DGKK: variants seen among roughly 807,000 people sequenced by gnomAD.
DGKK encodes the protein 142 kDa diacylglycerol kinase.
DGKK carries 35 observed loss-of-function variants against 92.2 expected under a neutral mutation model. The ratio of observed to expected loss-of-function variants is 0.38; its 90% CI spans 0.29 to 0.50. DGKK has a LOEUF of 0.50. Among genes scored for constraint, DGKK ranks in the 20% least tolerant of loss-of-function variants. The probability of loss-of-function intolerance (pLI) is 0.92; values close to 1 mark genes in which losing one functional copy is unlikely to be tolerated. For missense variants in DGKK, 910 were observed against 992.2 expected (o/e 0.92, Z 1.11); for synonymous variants, 368 against 360.6 (o/e 1.02, Z -0.23).
At chrX:50,412,642 C>G (rs946439373) in intron 4 of DGKK, among the ~76,000 whole-genome samples, 1 of 112,421 alleles carries the variant, frequency 8.9e-6, no homozygotes, top group African/African-American at 3.2e-5. Flanking sequence ...GGCATAAAAA[C>G]AGACACACTG....
chrX:50,437,695 T>C (rs1557230907), intron 1 of DGKK, among the ~76,000 whole-genome samples: 1 of 111,271 alleles, frequency 9.0e-6, no homozygotes, highest in African/African-American at 3.3e-5. Flanking sequence ...CTGATAGGCC[T>C]GGAAAGGGAG....
At position 50,442,104 on chromosome X, in the gene DGKK, C is replaced by A. The variant is rs1428040425; in HGVS notation, c.646-17746G>T. ...TAAATCTCACAAGGCCATTTCTTCA[C>A]ATAACAAACAACCTAGAGCAACTAA... On this transcript the variant is annotated intron_variant, in intron 1 of 27. Transcript: ENST00000611977. Among the ~76,000 whole-genome samples, 8 of 111,267 alleles carry A rather than the reference C, an allele frequency of 7.2e-5. No individual in the cohort carries two copies. The Admixed American group carries it at 7.7e-4, about 11-fold the overall frequency.
intron 4 of DGKK, among the ~76,000 whole-genome samples, chrX:50,407,068 A>G (rs1161538363): frequency 8.9e-6 from 1 of 111,886 alleles, no homozygotes; most frequent in Non-Finnish European, 1.9e-5. Flanking sequence ...ATTGGAAACT[A>G]AAGGAAAGGT....
chrX:50,405,611 T>C (rs1925133207), intron 4 of DGKK, among the ~76,000 whole-genome samples: 1 of 109,975 alleles, frequency 9.1e-6, no homozygotes, highest in Admixed American at 9.7e-5. Flanking sequence ...TCAATTTACA[T>C]GAATTAGATA....
At position 50,372,705 on chromosome X, in the gene DGKK, C is replaced by A. The variant is rs146034626; in HGVS notation, c.3502-871G>T. Among the ~76,000 whole-genome samples the A allele has an allele frequency of 4.3e-3, 483 of 112,240 alleles. 4 individuals are homozygous for A. Among genetic ancestry groups the A allele is most frequent in the African/African-American group, 0.015 (471 of 30,898 alleles). On this transcript the variant is annotated intron_variant, in intron 25 of 27. Coordinates refer to ENST00000611977, the MANE Select transcript of DGKK (RefSeq NM_001013742.4). ...GTCCATGGAAGACTTAAAATGGATT[C>A]TTTTGGGACCATCTTCGACTCAGAA...
chrX:50,400,677 C>T (rs782536317), intron 8 of DGKK, among the ~76,000 whole-genome samples: 84 of 111,731 alleles, frequency 7.5e-4, no homozygotes, highest in African/African-American at 2.5e-3. Flanking sequence ...TGTTTGTTTC[C>T]ATTTTAAAAG....
chrX:50,372,942 A>G (rs782527588), intron 25 of DGKK, among the ~76,000 whole-genome samples: 1 of 112,322 alleles, frequency 8.9e-6, no homozygotes, highest in South Asian at 3.8e-4. Flanking sequence ...TGCTCCAGCC[A>G]TAGGTTGAGC....
Position 50,403,480 on chromosome X carries a change from C to T in DGKK, c.1185+11G>A. 2 of 1,191,641 alleles carry T rather than the reference C, an allele frequency of 1.7e-6. No individual in the cohort carries two copies. The highest frequency in any genetic ancestry group is 1.1e-6 in the Non-Finnish European group (1 of 877,459). ...AGAGGCCGACTGTGGGAAGACATGG[C>T]TAGTACTTACTACTTCATCTGCAGG... On this transcript the variant is annotated intron_variant, in intron 6 of 27. Transcript: ENST00000611977.
intron 1 of DGKK, among the ~76,000 whole-genome samples, chrX:50,451,610 A>T (rs1372566913): frequency 9.0e-6 from 1 of 111,691 alleles, no homozygotes. Context: ...GGAAAGATTA[A>T]AATAATCATT....
chrX:50,439,141 T>C (rs1399092890), intron 1 of DGKK, among the ~76,000 whole-genome samples: 1 of 111,735 alleles, frequency 8.9e-6, no homozygotes. Context: ...AAAAAGGTAT[T>C]CTCAAATGTT....
intron 4 of DGKK, among the ~76,000 whole-genome samples, chrX:50,407,877 A>G (rs1925198386): frequency 8.9e-6 from 1 of 112,637 alleles, no homozygotes; most frequent in East Asian, 2.8e-4. Context: ...GAACACTGTC[A>G]GATTGGACTG....
chrX:50,425,320 C>T (rs1301847713), intron 1 of DGKK, among the ~76,000 whole-genome samples: 1 of 110,319 alleles, frequency 9.1e-6, no homozygotes, highest in Non-Finnish European at 1.9e-5. Flanking sequence ...AGGTGGAAGA[C>T]TTCATATAAA....
intron 25 of DGKK, 60 bp from the exon 26 acceptor site, chrX:50,371,894 ACT>A (rs1924140707): frequency 7.1e-6 from 5 of 703,702 alleles, no homozygotes; most frequent in Non-Finnish European, 8.6e-6. Context: ...AGACTCTTAC[ACT>A]CTCCCCCACT....
chrX:50,380,102 A>C, intron 18 of DGKK, 25 bp from the exon 19 acceptor site: 1 of 1,108,038 alleles, frequency 9.0e-7, no homozygotes, highest in South Asian at 1.8e-5. Flanking sequence ...GCATTAAGAA[A>C]GCAGAGGGTG....
At chrX:50,401,850 G>T (rs1557226673) in intron 7 of DGKK, among the ~76,000 whole-genome samples, 2 of 111,324 alleles carry the variant, frequency 1.8e-5, no homozygotes, top group African/African-American at 6.5e-5. Context: ...CATCTAAAAG[G>T]CTAGAAATCT....
At chrX:50,460,514 G>A (rs147117000) in intron 1 of DGKK, among the ~76,000 whole-genome samples, 46 of 111,379 alleles carry the variant, frequency 4.1e-4, no homozygotes, top group African/African-American at 1.4e-3. Context: ...GAAACAAGGG[G>A]TAAGAATCCC....
chrX:50,404,124 T>G lies in DGKK; in HGVS notation c.1003A>C (p.Ser335Arg), dbSNP rs1436081466. Residue 335 changes from serine to arginine, a missense_variant, in exon 5 of 28, where the codon AGC (serine) becomes CGC (arginine). Transcript: ENST00000611977. ...VGMHCWYSSY[S>R]HRTQHCNVCR... ...ACATTGCAGTGCTGGGTCCGGTGGC[T>G]GTAACTGGAGTACCAACAATGCATT... The G allele has an allele frequency of 2.5e-6, 3 of 1,208,645 alleles. No homozygotes were observed. In the Admixed American group the frequency reaches 6.6e-5, roughly 27 times the overall value.
chrX:50,422,597 AACACACACACACACACAC>A, intron 2 of DGKK, 71 bp from the exon 3 acceptor site: 1 of 358,256 alleles, frequency 2.8e-6, no homozygotes, highest in Non-Finnish European at 4.8e-6. Flanking sequence ...TTAAAAGGTA[AACACACACACACACACAC>A]ACACACACAC....
intron 18 of DGKK, among the ~76,000 whole-genome samples, chrX:50,380,568 C>T (rs1924389981): frequency 9.0e-6 from 1 of 111,219 alleles, no homozygotes; most frequent in African/African-American, 3.3e-5. Flanking sequence ...TACTAAATGC[C>T]TAATTCAATG....
Sources: allele counts gnomAD v4.1 joint callset (sites outside exome capture counted in the v4.1 genomes callset), GRCh38; gene constraint gnomAD v4.1.1; transcripts MANE v1.5; gene names NCBI Gene and HGNC (gene_info 2026-07-23, HGNC 2026-07-21).